The following KDM4C variants were observed in gnomAD, a reference collection of about 807,000 sequenced individuals.
KDM4C encodes the protein lysine-specific demethylase 4C.
In KDM4C, 81 loss-of-function variants were observed where a neutral mutation model predicts 129.3. The ratio of observed to expected loss-of-function variants is 0.63; its 90% CI spans 0.52 to 0.75. The LOEUF is 0.75. Among genes scored for constraint, KDM4C ranks in the 30% least tolerant of loss-of-function variants. KDM4C has a pLI of 0.00. For synonymous variants in KDM4C, 573 were observed against 456.1 expected (o/e 1.26, Z -3.26); for missense variants, 1,457 against 1,304.0 (o/e 1.12, Z -1.81).
At chr9:6,949,038 C>T (rs1038800697) in intron 8 of KDM4C, among the ~76,000 whole-genome samples, 12 of 152,048 alleles carry the variant, frequency 7.9e-5, no homozygotes, top group African/African-American at 2.7e-4. Flanking sequence ...AGAGGGGCTC[C>T]TCACTTCCCA....
At position 6,895,357 on chromosome 9, in the gene KDM4C, G is replaced by T. The variant is rs911768644; in HGVS notation, c.921+2125G>T. ...TGGCTGAATTCACTTCCTCACAGTTGTAAGACTAAACGTTCATATTTGTTG... is the reference window on the plus strand; with the variant it reads ...TGGCTGAATTCACTTCCTCACAGTTTTAAGACTAAACGTTCATATTTGTTG... On this transcript the variant is annotated intron_variant, in intron 8 of 21. Coordinates refer to ENST00000381309, the MANE Select transcript of KDM4C (RefSeq NM_015061.6). Among the ~76,000 whole-genome samples the T allele has an allele frequency of 2.0e-5, 3 of 152,198 alleles. No individual in the cohort carries two copies. The South Asian group carries it at 6.2e-4, about 31-fold the overall frequency.
intron 19 of KDM4C, among the ~76,000 whole-genome samples, chr9:7,129,655 C>T (rs10815524): frequency 0.53 from 81,080 of 151,748 alleles, 22,009 homozygotes; most frequent in Middle Eastern, 0.63. Context: ...GGGAGGTAGG[C>T]GGGTAAATGG....
At chr9:7,035,785 G>T (rs113159700) in intron 15 of KDM4C, among the ~76,000 whole-genome samples, 1 of 152,030 alleles carries the variant, frequency 6.6e-6, no homozygotes, top group African/African-American at 2.4e-5. Context: ...TGTCCAAATC[G>T]TATGACTGTA....
intron 17 of KDM4C, chr9:7,077,169 G>A (rs1464749899): frequency 2.0e-6 from 2 of 985,234 alleles, no homozygotes; most frequent in African/African-American, 1.7e-5. Flanking sequence ...TGTTGCTGAA[G>A]CTCATGTTAT....
chr9:6,943,947 G>T (rs1261352277), intron 8 of KDM4C, among the ~76,000 whole-genome samples: 1 of 152,120 alleles, frequency 6.6e-6, no homozygotes, highest in South Asian at 2.1e-4. Context: ...GGAGATCAGT[G>T]TCAAACTCCA....
chr9:7,124,098 G>A (rs920147244), intron 18 of KDM4C, among the ~76,000 whole-genome samples: 9 of 152,130 alleles, frequency 5.9e-5, no homozygotes, highest in African/African-American at 1.9e-4. Context: ...TGATTTAGGT[G>A]TAATTTCTTC....
chr9:7,128,816 T>G (rs975989719), intron 19 of KDM4C, among the ~76,000 whole-genome samples: 1 of 152,094 alleles, frequency 6.6e-6, no homozygotes, highest in Non-Finnish European at 1.5e-5. Flanking sequence ...GGCTGTCTTG[T>G]TGGTCTGTCT....
At chr9:7,117,299 G>A (rs967769348) in intron 18 of KDM4C, among the ~76,000 whole-genome samples, 1 of 151,788 alleles carries the variant, frequency 6.6e-6, no homozygotes, top group Non-Finnish European at 1.5e-5. Flanking sequence ...GTTTTGCTTT[G>A]GGTTACCTTG....
chr9:7,016,898 C>T (rs1823799056), intron 15 of KDM4C, among the ~76,000 whole-genome samples: 1 of 152,118 alleles, frequency 6.6e-6, no homozygotes, highest in Non-Finnish European at 1.5e-5. Flanking sequence ...GGTGGGGGAT[C>T]CTCAGTGACC....
Position 6,764,715 on chromosome 9 carries a change from A to G in KDM4C, c.-18+6512A>G, listed in dbSNP as rs564511221. On this transcript the variant is annotated intron_variant, in intron 1 of 21. Coordinates refer to ENST00000381309, the MANE Select transcript of KDM4C (RefSeq NM_015061.6). Reference sequence around the variant, plus strand: ...ATTTATTCTGGATTCTTCTGGGTTTATATTGTATATTACTATGGGTGGATA... The same window carrying G: ...ATTTATTCTGGATTCTTCTGGGTTTGTATTGTATATTACTATGGGTGGATA... Among the ~76,000 whole-genome samples the G allele has an allele frequency of 6.6e-5, 10 of 152,314 alleles. No individual in the cohort carries two copies. The East Asian group carries it at 1.5e-3, about 23-fold the overall frequency.
intron 5 of KDM4C, among the ~76,000 whole-genome samples, chr9:6,856,201 A>C (rs1271180768): frequency 6.6e-6 from 1 of 152,090 alleles, no homozygotes; most frequent in African/African-American, 2.4e-5. Context: ...AACATTAGGG[A>C]TTAGGCAGCT....
intron 4 of KDM4C, among the ~76,000 whole-genome samples, chr9:6,815,460 C>G (rs991907908): frequency 1.3e-5 from 2 of 152,114 alleles, no homozygotes; most frequent in South Asian, 2.1e-4. Flanking sequence ...AGAGATCTAA[C>G]TGCCTCGGCC....
intron 8 of KDM4C, among the ~76,000 whole-genome samples, chr9:6,916,482 C>G (rs1184735425): frequency 2.0e-5 from 3 of 152,046 alleles, no homozygotes. Context: ...CTGTGTTGCC[C>G]TGGCTGGTCT....
intron 18 of KDM4C, among the ~76,000 whole-genome samples, chr9:7,114,986 A>G (rs1235362361): frequency 3.3e-5 from 5 of 152,122 alleles, no homozygotes; most frequent in African/African-American, 1.2e-4. Context: ...GGCTGAGGCT[A>G]TAGGATCACT....
intron 19 of KDM4C, among the ~76,000 whole-genome samples, chr9:7,133,588 C>T (rs930152711): frequency 2.0e-5 from 3 of 152,170 alleles, no homozygotes; most frequent in Non-Finnish European, 4.4e-5. Context: ...GAGGTAGGTC[C>T]TGATTGCAGG....
intron 1 of KDM4C, among the ~76,000 whole-genome samples, chr9:6,743,262 C>G (rs1255847527): frequency 6.6e-6 from 1 of 152,122 alleles, no homozygotes; most frequent in Non-Finnish European, 1.5e-5. Flanking sequence ...GGGCTTTACC[C>G]CTTCAACGAC....
intron 8 of KDM4C, chr9:6,893,460 T>C (rs1028061325): frequency 2.0e-5 from 7 of 346,632 alleles, no homozygotes; most frequent in African/African-American, 1.1e-4. Flanking sequence ...TTTACCCTGA[T>C]AGGTAATTTG....
chr9:7,126,223 A>G (rs532446721), intron 18 of KDM4C, among the ~76,000 whole-genome samples: 1 of 152,250 alleles, frequency 6.6e-6, no homozygotes, highest in South Asian at 2.1e-4. Flanking sequence ...GAGGGAGAAA[A>G]TGAAATAAAG....
At chr9:7,109,941 G>A (rs1273050204) in intron 18 of KDM4C, among the ~76,000 whole-genome samples, 1 of 152,132 alleles carries the variant, frequency 6.6e-6, no homozygotes, top group African/African-American at 2.4e-5. Context: ...TTTATAAAGG[G>A]CTTTCCCCTT....
Sources: gnomAD v4.1 joint callset for allele counts (sites outside exome capture counted in the v4.1 genomes callset) on GRCh38, gnomAD v4.1.1 for gene constraint, MANE v1.5 for transcripts, NCBI Gene and HGNC (gene_info 2026-07-23, HGNC 2026-07-21) for gene names.